Variants in CTNND2 observed in about 807,000 individuals in gnomAD.
CTNND2 encodes the protein catenin delta-2.
Under a neutral mutation model 144.4 loss-of-function variants are expected in CTNND2, and 22 were observed. That is an observed-to-expected ratio of 0.15 (90% CI 0.11 to 0.22). CTNND2 has a LOEUF of 0.22. Ranked by LOEUF, CTNND2 falls within the 10% of genes least tolerant of loss-of-function variation. The pLI is 1.00. For synonymous variants in CTNND2, 751 were observed against 695.6 expected, an observed-to-expected ratio of 1.08 and a Z score of -1.25; for missense variants, 1,353 against 1,618.8, an observed-to-expected ratio of 0.84 and a Z score of 2.82.
intron 9 of CTNND2, among the ~76,000 whole-genome samples, chr5:11,296,091 A>AAG (rs1561171421): frequency 2.9e-5 from 4 of 136,998 alleles, no homozygotes; most frequent in African/African-American, 5.5e-5. Flanking sequence ...TCATCTGACA[A>AAG]GTACTAATAT....
chr5:11,314,926 G>GT (rs1751343849), intron 9 of CTNND2, among the ~76,000 whole-genome samples: 1 of 152,032 alleles, frequency 6.6e-6, no homozygotes, highest in Non-Finnish European at 1.5e-5. Flanking sequence ...AATGCATAAA[G>GT]TTTTTTTAGA....
intron 15 of CTNND2, among the ~76,000 whole-genome samples, chr5:11,083,187 G>A (rs1024620): frequency 0.77 from 116,393 of 152,088 alleles, 45,572 homozygotes; most frequent in African/African-American, 0.93. Flanking sequence ...GTGGCCAGTG[G>A]CATTAAAGAG....
At chr5:11,643,228 GTTTT>G (rs1196448565) in intron 2 of CTNND2, among the ~76,000 whole-genome samples, 1 of 151,012 alleles carries the variant, frequency 6.6e-6, no homozygotes, top group Non-Finnish European at 1.5e-5. Context: ...TTTTATTTTT[GTTTT>G]TTTAATTTTA....
chr5:11,414,190 G>C (rs1454343218), intron 3 of CTNND2, among the ~76,000 whole-genome samples: 1 of 152,156 alleles, frequency 6.6e-6, no homozygotes, highest in East Asian at 1.9e-4. Context: ...ACCTGAAAGA[G>C]GTAGGGAAGG....
At chr5:11,454,527 T>C (rs767100372) in intron 3 of CTNND2, among the ~76,000 whole-genome samples, 21 of 152,184 alleles carry the variant, frequency 1.4e-4, no homozygotes, top group Admixed American at 4.6e-4. Context: ...TTAGAGGGAT[T>C]TTTTGATTGG....
intron 2 of CTNND2, among the ~76,000 whole-genome samples, chr5:11,688,448 G>A (rs1784755094): frequency 6.6e-6 from 1 of 152,158 alleles, no homozygotes; most frequent in African/African-American, 2.4e-5. Context: ...ATAGTGATGG[G>A]AAATAAGCAT....
At chr5:11,539,444 G>A (rs1377174940) in intron 3 of CTNND2, among the ~76,000 whole-genome samples, 4 of 152,176 alleles carry the variant, frequency 2.6e-5, no homozygotes, top group South Asian at 2.1e-4. Context: ...TAAGTGTGGT[G>A]TCCACCTAGC....
chr5:11,880,315 T>G (rs1735935537), intron 1 of CTNND2, among the ~76,000 whole-genome samples: 2 of 152,056 alleles, frequency 1.3e-5, no homozygotes, highest in African/African-American at 4.8e-5. Flanking sequence ...AAAACAAAAG[T>G]TCTGTAAGAG....
At chr5:10,986,083 G>A (rs1037229239) in intron 20 of CTNND2, among the ~76,000 whole-genome samples, 1 of 152,206 alleles carries the variant, frequency 6.6e-6, no homozygotes, top group African/African-American at 2.4e-5. Context: ...CTACATGATT[G>A]AGAGTGTACT....
chr5:11,354,533 C>A (rs1040792531), intron 8 of CTNND2, among the ~76,000 whole-genome samples: 13 of 152,300 alleles, frequency 8.5e-5, no homozygotes, highest in African/African-American at 3.1e-4. Flanking sequence ...TGATCTTGAT[C>A]TATTCATTTG....
intron 9 of CTNND2, among the ~76,000 whole-genome samples, chr5:11,245,139 A>G (rs1030862014): frequency 2.0e-5 from 3 of 152,234 alleles, no homozygotes; most frequent in Non-Finnish European, 2.9e-5. Context: ...ACAAAGGCGA[A>G]AAGGGGCTAT....
intron 3 of CTNND2, among the ~76,000 whole-genome samples, chr5:11,412,747 CAA>C (rs1451438312): frequency 6.6e-6 from 1 of 152,080 alleles, no homozygotes; most frequent in East Asian, 1.9e-4. Flanking sequence ...TAAATATGAG[CAA>C]TTCTTCCATT....
At chr5:11,646,837 C>T (rs1645221624) in intron 2 of CTNND2, among the ~76,000 whole-genome samples, 1 of 152,128 alleles carries the variant, frequency 6.6e-6, no homozygotes, top group African/African-American at 2.4e-5. Context: ...TGCCTGACCT[C>T]CTTCTGCAAC....
chr5:11,329,882 G>T (rs1024926267), intron 9 of CTNND2, among the ~76,000 whole-genome samples: 1 of 152,168 alleles, frequency 6.6e-6, no homozygotes, highest in East Asian at 1.9e-4. Context: ...TCTGGCTAAG[G>T]TTGCTGAAAC....
intron 3 of CTNND2, among the ~76,000 whole-genome samples, chr5:11,423,053 G>A (rs1462585855): frequency 2.0e-5 from 3 of 152,190 alleles, no homozygotes; most frequent in Non-Finnish European, 4.4e-5. Flanking sequence ...AGAAAATAAT[G>A]TATCATAGTA....
intron 16 of CTNND2, among the ~76,000 whole-genome samples, chr5:11,036,722 C>T (rs775776667): frequency 3.3e-5 from 5 of 152,226 alleles, no homozygotes; most frequent in Non-Finnish European, 7.3e-5. Flanking sequence ...GTATCTTCTA[C>T]ATCTAAACCA....
At chr5:11,470,673 C>T (rs1365854351) in intron 3 of CTNND2, among the ~76,000 whole-genome samples, 3 of 152,118 alleles carry the variant, frequency 2.0e-5, no homozygotes, top group Admixed American at 6.5e-5. Flanking sequence ...ATCCTGCCTC[C>T]TTAAGCTCTC....
At chr5:11,890,522 CATCT>C (rs758557942) in intron 1 of CTNND2, among the ~76,000 whole-genome samples, 1 of 152,172 alleles carries the variant, frequency 6.6e-6, no homozygotes, top group Non-Finnish European at 1.5e-5. Flanking sequence ...CTCATTTCAA[CATCT>C]ATCTATGATA....
At chr5:11,004,242 A>T (rs116489405) in intron 18 of CTNND2, among the ~76,000 whole-genome samples, 2,941 of 152,330 alleles carry the variant, frequency 0.019, 44 homozygotes, top group Middle Eastern at 0.061. Flanking sequence ...GACTTGGATG[A>T]GCTTTAACAA....
Sources: allele counts gnomAD v4.1 joint callset (sites outside exome capture counted in the v4.1 genomes callset), GRCh38; gene constraint gnomAD v4.1.1; transcripts MANE v1.5; gene names NCBI Gene and HGNC (gene_info 2026-07-23, HGNC 2026-07-21).